Variants in ATAD2B observed in about 807,000 individuals in gnomAD.
ATAD2B encodes the protein ATPase family AAA domain-containing protein 2B.
A neutral mutation model predicts 167.6 loss-of-function variants in ATAD2B; 40 were observed. That is an observed-to-expected ratio of 0.24 (90% CI 0.19 to 0.31). The LOEUF (loss-of-function observed/expected upper bound fraction) is 0.31. Among genes scored for constraint, ATAD2B ranks in the 10% least tolerant of loss-of-function variants. The pLI is 1.00. For missense variants in ATAD2B, 1,242 were observed against 1,757.2 expected (o/e 0.71, Z 5.24); for synonymous variants, 579 against 596.5 (o/e 0.97, Z 0.43).
intron 13 of ATAD2B, among the ~76,000 whole-genome samples, chr2:23,843,852 A>G (rs2675353): frequency 0.99 from 150,911 of 152,336 alleles, 74,762 homozygotes; most frequent in East Asian, 1. Flanking sequence ...CATTGCCCAT[A>G]AATACATAAA....
intron 24 of ATAD2B, among the ~76,000 whole-genome samples, chr2:23,761,868 T>A (rs1371475442): frequency 2.0e-5 from 3 of 152,100 alleles, no homozygotes; most frequent in Admixed American, 2.0e-4. Flanking sequence ...AAAGAGAACA[T>A]CCTGCATAGT....
chr2:23,693,181 A>C, the ATAD2B span: 1 of 1,441,000 alleles, frequency 6.9e-7, no homozygotes, highest in Non-Finnish European at 9.2e-7. Context: ...ATGTGGGTTC[A>C]GAGAAGGATC....
intron 6 of ATAD2B, among the ~76,000 whole-genome samples, chr2:23,882,502 TAAAAAA>T (rs770725105): frequency 1.1e-5 from 1 of 92,200 alleles, no homozygotes; most frequent in African/African-American, 4.1e-5. Context: ...AGCCTCTATT[TAAAAAA>T]AAAAAAAAAA....
At chr2:23,747,013 C>G (rs1674922295), downstream of ATAD2B, among the ~76,000 whole-genome samples, 1 of 152,016 alleles carries the variant, frequency 6.6e-6, no homozygotes. Flanking sequence ...GCAACAGTGC[C>G]TGATACATGG....
Position 23,788,719 on chromosome 2 carries a change from C to T in ATAD2B, c.2641-72G>A. On this transcript the variant is annotated intron_variant, in intron 19 of 27. Transcript: ENST00000238789. ...AAAGCTTACATATCATACCAAATTG[C>T]AATGTCTTCATCTTCCAGTATCATG... 3 of 1,225,962 alleles carry T rather than the reference C, an allele frequency of 2.4e-6. No individual in the cohort carries two copies. The South Asian group carries it at 4.6e-5, about 19-fold the overall frequency. The allele number at this position is 1,225,962 out of a possible 1,614,324, so 75.9% of individuals were successfully genotyped here.
chr2:23,738,746 C>T, the ATAD2B span, among the ~76,000 whole-genome samples: 1 of 152,022 alleles, frequency 6.6e-6, no homozygotes, highest in Non-Finnish European at 1.5e-5. Flanking sequence ...TTAAAAGACA[C>T]AGACTGGCAA....
intron 13 of ATAD2B, among the ~76,000 whole-genome samples, chr2:23,849,755 G>A (rs1422816331): frequency 1.3e-5 from 2 of 152,124 alleles, no homozygotes; most frequent in Non-Finnish European, 2.9e-5. Context: ...TTGAACCTTG[G>A]AGGCGGAGGT....
At chr2:23,758,476 A>G (rs904770929) in intron 24 of ATAD2B, among the ~76,000 whole-genome samples, 1 of 152,260 alleles carries the variant, frequency 6.6e-6, no homozygotes, top group South Asian at 2.1e-4. Flanking sequence ...GTTTGGGGCC[A>G]AAGCCCTGGA....
chr2:23,821,569 G>A (rs984494569), intron 16 of ATAD2B, among the ~76,000 whole-genome samples: 2 of 152,134 alleles, frequency 1.3e-5, no homozygotes, highest in African/African-American at 4.8e-5. Flanking sequence ...TATGACAGAA[G>A]AATTCATTGA....
In ATAD2B at chr2:23,885,849, T is replaced by C. The variant is rs200589028; in HGVS notation, c.573-20A>G. The C allele has an allele frequency of 1.4e-6, 2 of 1,455,878 alleles. No homozygotes were observed. Among genetic ancestry groups the C allele is most frequent in the African/African-American group, 1.4e-5 (1 of 71,500 alleles). 90.2% of individuals were successfully genotyped at this position (1,455,878 alleles called of 1,614,324 possible). On this transcript the variant is annotated intron_variant, in intron 4 of 27. Transcript: ENST00000238789. Reference sequence around the variant, plus strand: ...GCAGTGCTACAATCACATAATAAAATCAGGATTTAGACAATGGTGGCACCA... The same window carrying C: ...GCAGTGCTACAATCACATAATAAAACCAGGATTTAGACAATGGTGGCACCA...
At chr2:23,888,205 T>C (rs889677043) in intron 3 of ATAD2B, 145 bp downstream of exon 3, 1 of 711,498 alleles carries the variant, frequency 1.4e-6, no homozygotes, top group Non-Finnish European at 2.3e-6. Flanking sequence ...AACAATTACA[T>C]ACTTTTTTTA....
In ATAD2B at chr2:23,878,025, A is replaced by AAAAAAAAAAAAAAAAG. The variant is rs1558714074; in HGVS notation, c.902-2122_902-2121insCTTTTTTTTTTTTTTT. Reference sequence around the variant, plus strand: ...ACCCTATCTCCAAAGAAAAAAAAAAAAAAAAAAAAAAAAAGCAAAATGTAT... The same window carrying AAAAAAAAAAAAAAAAG: ...ACCCTATCTCCAAAGAAAAAAAAAAAAAAAAAAAAAAAAAAGAAAAAAAAAAAAAAGCAAAATGTAT... On this transcript the variant is annotated intron_variant, in intron 7 of 27. Transcript: ENST00000238789. Among the ~76,000 whole-genome samples the AAAAAAAAAAAAAAAAG allele has an allele frequency of 2.6e-3, 281 of 106,870 alleles. 13 individuals are homozygous for AAAAAAAAAAAAAAAAG. Among genetic ancestry groups the AAAAAAAAAAAAAAAAG allele is most frequent in the East Asian group, 0.011 (28 of 2,606 alleles). The allele number at this position is 106,870 out of a possible 152,430, so 70.1% of individuals were successfully genotyped here.
chr2:23,820,636 C>A (rs1200483407), intron 16 of ATAD2B, among the ~76,000 whole-genome samples: 3 of 152,182 alleles, frequency 2.0e-5, no homozygotes, highest in Admixed American at 2.0e-4. Flanking sequence ...TAAGAGAAAT[C>A]ATATCCTTTC....
chr2:23,744,315 G>C (rs1283978354), downstream of ATAD2B, among the ~76,000 whole-genome samples: 7 of 150,740 alleles, frequency 4.6e-5, 1 homozygote, highest in Admixed American at 4.6e-4. Flanking sequence ...GAGGGTTCTA[G>C]AATCAGGGAA....
chr2:23,886,918 G>A (rs1698749425), intron 4 of ATAD2B, among the ~76,000 whole-genome samples: 1 of 144,812 alleles, frequency 6.9e-6, no homozygotes, highest in South Asian at 2.2e-4. Flanking sequence ...GTGACAGAGC[G>A]AGACTCCATC....
chr2:23,711,349 T>C, the ATAD2B span, among the ~76,000 whole-genome samples: 3 of 8,268 alleles, frequency 3.6e-4, no homozygotes, highest in Admixed American at 2.3e-3. Context: ...TTTCTTTTTT[T>C]TTTTTTTTTT....
At chr2:23,860,720 C>T (rs1303845867) in intron 12 of ATAD2B, among the ~76,000 whole-genome samples, 1 of 151,400 alleles carries the variant, frequency 6.6e-6, no homozygotes, top group African/African-American at 2.4e-5. Context: ...CCTGTAATCC[C>T]AGCACTTTGG....
At chr2:23,803,541 G>A (rs2712061) in intron 18 of ATAD2B, among the ~76,000 whole-genome samples, 27,570 of 152,100 alleles carry the variant, frequency 0.18, 2,597 homozygotes, top group Middle Eastern at 0.26. Context: ...AGAAATTTGT[G>A]TAAGTACACT....
rs772645171 is a variant in ATAD2B at position 23,757,409 on chromosome 2, T to C, written c.4078+9A>G. The C allele has an allele frequency of 6.2e-6, 9 of 1,457,450 alleles. No homozygotes were observed. The highest frequency in any genetic ancestry group is 1.6e-5 in the South Asian group (1 of 61,386). 90.3% of individuals were successfully genotyped at this position (1,457,450 alleles called of 1,614,324 possible). A position where few individuals can be genotyped will look rare whatever the true frequency, so the allele number is the denominator to read the frequency against. On this transcript the variant is annotated intron_variant, in intron 25 of 27. Coordinates refer to ENST00000238789, the MANE Select transcript of ATAD2B (RefSeq NM_017552.4). The stretch of plus-strand genomic sequence containing the variant: ...AACCTTCAGAAGATTTTTCAAATAT[T>C]AGCTCTACCTTCTTTATCCAGTTCT...
Sources: allele counts gnomAD v4.1 joint callset (sites outside exome capture counted in the v4.1 genomes callset), GRCh38; gene constraint gnomAD v4.1.1; transcripts MANE v1.5; gene names NCBI Gene and HGNC (gene_info 2026-07-23, HGNC 2026-07-21).